The following ATRN variants were observed in gnomAD, a reference collection of about 807,000 sequenced individuals.
ATRN encodes the protein attractin.
ATRN carries 54 observed loss-of-function variants against 178.7 expected under a neutral mutation model. That is an observed-to-expected ratio of 0.30 (90% confidence interval 0.24 to 0.38). ATRN has a LOEUF of 0.38. ATRN is among the 10% of genes least tolerant of loss of function. The pLI, the probability that ATRN is intolerant of heterozygous loss-of-function variation, is 1.00. For missense variants in ATRN, 1,443 were observed against 1,815.1 expected (o/e 0.79, Z 3.73); for synonymous variants, 636 against 663.0 (o/e 0.96, Z 0.63).
At chr20:3,558,725 G>T (rs1260993612) in intron 6 of ATRN, among the ~76,000 whole-genome samples, 2 of 151,756 alleles carry the variant, frequency 1.3e-5, no homozygotes, top group East Asian at 1.9e-4. Context: ...TCTTTATAAT[G>T]AACATGTATG....
At chr20:3,627,303 C>A (rs769759789) in intron 25 of ATRN, among the ~76,000 whole-genome samples, 1 of 152,108 alleles carries the variant, frequency 6.6e-6, no homozygotes, top group Admixed American at 6.5e-5. Flanking sequence ...AGGGGTGCAC[C>A]CCAAACATTT....
chr20:3,541,960 A>G (rs2085628179), intron 3 of ATRN, among the ~76,000 whole-genome samples: 1 of 152,214 alleles, frequency 6.6e-6, no homozygotes, highest in South Asian at 2.1e-4. Context: ...CAAGGACAGG[A>G]GATCAGGCGA....
chr20:3,519,629 C>T (rs1396177304), intron 1 of ATRN, among the ~76,000 whole-genome samples: 2 of 152,092 alleles, frequency 1.3e-5, no homozygotes, highest in Non-Finnish European at 2.9e-5. Context: ...GTATTGTGTA[C>T]AGTGTACACT....
In ATRN at chr20:3,612,473, G is replaced by A. The variant is rs1283441441; in HGVS notation, c.3801+8211G>A. On this transcript the variant is annotated intron_variant, in intron 24 of 28. Transcript: ENST00000262919. ...CACAGGAGTAGGGAAGATACAGAGC[G>A]TGCCCATCAAGAGGTGGAAATCTTG... is the stretch of plus-strand genomic sequence containing the variant. Among the ~76,000 whole-genome samples the A allele has an allele frequency of 2.6e-5, 4 of 152,228 alleles. No homozygotes were observed. The East Asian group carries it at 5.8e-4, about 22-fold the overall frequency.
intron 25 of ATRN, chr20:3,629,129 C>T: frequency 1.0e-6 from 1 of 985,362 alleles, no homozygotes; most frequent in Non-Finnish European, 1.2e-6. Flanking sequence ...CACTCTCCAC[C>T]TCCACTCCCC....
chr20:3,595,928 G>A (rs1380051042), intron 20 of ATRN, among the ~76,000 whole-genome samples: 1 of 152,082 alleles, frequency 6.6e-6, no homozygotes, highest in African/African-American at 2.4e-5. Context: ...TTGTTCCAGG[G>A]TTTAAAAAAA....
At chr20:3,631,763 CT>C (rs2086991400) in intron 25 of ATRN, among the ~76,000 whole-genome samples, 1 of 152,322 alleles carries the variant, frequency 6.6e-6, no homozygotes, top group Admixed American at 6.5e-5. Flanking sequence ...GCGGCAGGCT[CT>C]TGACCAACTT....
chr20:3,566,916 A>AAAG (rs1186590463), intron 11 of ATRN, among the ~76,000 whole-genome samples: 2 of 151,612 alleles, frequency 1.3e-5, no homozygotes, highest in East Asian at 1.9e-4. Context: ...AAAAAAAAAA[A>AAAG]AAAAAAAAGG....
At position 3,648,172 on chromosome 20, in the gene ATRN, G is replaced by A. The variant is rs1481403313; in HGVS notation, c.*1325G>A. On this transcript the variant is annotated 3_prime_UTR_variant, in exon 29 of 29. Coordinates refer to ENST00000262919, the MANE Select transcript of ATRN (RefSeq NM_139321.3). ...CTTGTTTGCCCTCTTTCCCCCAGGA[G>A]GGGCTCGACCCACCCACCCTCCCTC... 1.3e-5 allele frequency: 2 copies of A among 152,070 alleles called. No individual in the cohort carries two copies. The allele number at this position is 152,070 out of a possible 1,614,324, so 9.4% of individuals were successfully genotyped here. A position where few individuals can be genotyped will look rare whatever the true frequency, so the allele number is the denominator to read the frequency against.
At chr20:3,642,953 G>A (rs1016738010) in intron 27 of ATRN, among the ~76,000 whole-genome samples, 2 of 152,168 alleles carry the variant, frequency 1.3e-5, no homozygotes, top group African/African-American at 4.8e-5. Flanking sequence ...GAGATGGAGT[G>A]GCCACAGAAG....
chr20:3,532,569 T>C (rs928955924), intron 1 of ATRN, among the ~76,000 whole-genome samples: 2 of 152,180 alleles, frequency 1.3e-5, no homozygotes, highest in Non-Finnish European at 2.9e-5. Context: ...GGTTGTTTTT[T>C]AAAAAGCATT....
chr20:3,537,676 G>A (rs1195818177), intron 2 of ATRN, among the ~76,000 whole-genome samples: 3 of 124,716 alleles, frequency 2.4e-5, no homozygotes, highest in Non-Finnish European at 5.0e-5. Flanking sequence ...CCCACCCCAC[G>A]ACAAACCCCG....
At chr20:3,487,285 G>A (rs2084707642) in intron 1 of ATRN, among the ~76,000 whole-genome samples, 3 of 152,232 alleles carry the variant, frequency 2.0e-5, no homozygotes, top group Non-Finnish European at 4.4e-5. Context: ...CCAGGCTGGA[G>A]TGCAGTGGCA....
intron 6 of ATRN, among the ~76,000 whole-genome samples, chr20:3,549,973 A>G (rs928573326): frequency 1.3e-5 from 2 of 152,234 alleles, no homozygotes; most frequent in African/African-American, 4.8e-5. Flanking sequence ...AAACATAGTC[A>G]TTAAAACACA....
chr20:3,486,441 T>C (rs1600011923), intron 1 of ATRN, among the ~76,000 whole-genome samples: 2 of 152,282 alleles, frequency 1.3e-5, no homozygotes, highest in Middle Eastern at 3.4e-3. Flanking sequence ...AGAGTCTTGC[T>C]CTTTCACTCA....
chr20:3,543,890 CA>C (rs2085660829), intron 3 of ATRN, among the ~76,000 whole-genome samples: 1 of 151,838 alleles, frequency 6.6e-6, no homozygotes, highest in African/African-American at 2.4e-5. Flanking sequence ...AAAAATTAAC[CA>C]GCCATGGTGG....
chr20:3,579,444 C>T (rs1446067500), intron 15 of ATRN, among the ~76,000 whole-genome samples: 1 of 152,116 alleles, frequency 6.6e-6, no homozygotes, highest in African/African-American at 2.4e-5. Context: ...TGAGATTGCG[C>T]CACCGCACTC....
intron 10 of ATRN, 57 bp from the exon 11 acceptor site, chr20:3,565,291 A>T (rs1239456962): frequency 7.4e-7 from 1 of 1,345,358 alleles, no homozygotes; most frequent in African/African-American, 1.4e-5. Flanking sequence ...AGAAAATGTC[A>T]GGTCCTGTTG....
chr20:3,617,683 A>G (rs533008304), intron 24 of ATRN, among the ~76,000 whole-genome samples: 4 of 152,230 alleles, frequency 2.6e-5, no homozygotes, highest in African/African-American at 9.6e-5. Flanking sequence ...TTACACAATG[A>G]AAAGAATAAT....
Sources: allele counts gnomAD v4.1 joint callset (sites outside exome capture counted in the v4.1 genomes callset), GRCh38; gene constraint gnomAD v4.1.1; transcripts MANE v1.5; gene names NCBI Gene and HGNC (gene_info 2026-07-23, HGNC 2026-07-21).